Variants in DLG2 observed in about 807,000 individuals in gnomAD.
The protein encoded by DLG2 is discs large MAGUK scaffold protein 2, also known as disks large homolog 2.
Under a neutral mutation model 132.5 loss-of-function variants are expected in DLG2, and 45 were observed. The ratio of observed to expected loss-of-function variants is 0.34; its 90% CI spans 0.27 to 0.44. The LOEUF is 0.44. Ranked by LOEUF, DLG2 falls within the 20% of genes least tolerant of loss-of-function variation. The pLI, the probability that DLG2 is intolerant of heterozygous loss-of-function variation, is 1.00. For synonymous variants in DLG2, 424 were observed against 419.6 expected (o/e 1.01, Z -0.13); for missense variants, 1,045 against 1,196.9 (o/e 0.87, Z 1.87).
intron 11 of DLG2, among the ~76,000 whole-genome samples, chr11:84,055,617 T>C (rs948794514): frequency 1.3e-5 from 2 of 152,110 alleles, no homozygotes; most frequent in African/African-American, 2.4e-5. Context: ...TACTTCTATC[T>C]GGGATGCTCT....
Position 84,520,954 on chromosome 11 carries a change from C to T in DLG2, c.519+13616G>A, listed in dbSNP as rs2099296790. Among the ~76,000 whole-genome samples the T allele has an allele frequency of 3.3e-5, 5 of 152,152 alleles. No individual in the cohort carries two copies. In the South Asian group the frequency reaches 8.3e-4, roughly 25 times the overall value. On this transcript the variant is annotated intron_variant, in intron 7 of 27. Transcript: ENST00000376104. ...GCCTAGCTCTTATCCCACACACTGC[C>T]CTGCAGCTCTGGGAAAGCATCCCAT...
intron 21 of DLG2, among the ~76,000 whole-genome samples, chr11:83,529,573 CT>C (rs1007132225): frequency 5.9e-5 from 8 of 136,624 alleles, no homozygotes; most frequent in African/African-American, 2.1e-4. Flanking sequence ...AATCATGGCA[CT>C]CTTTTTTTTT....
chr11:84,922,999 A>C, intron 6 of DLG2: 1 of 1,569,744 alleles, frequency 6.4e-7, no homozygotes, highest in Non-Finnish European at 8.8e-7. Flanking sequence ...AAAAGTCCTG[A>C]AGCTACACAA....
chr11:85,310,883 C>T (rs908736426), intron 3 of DLG2, among the ~76,000 whole-genome samples: 3 of 152,168 alleles, frequency 2.0e-5, no homozygotes, highest in Admixed American at 2.0e-4. Flanking sequence ...TATATGTATG[C>T]TCTGTAAATA....
intron 4 of DLG2, among the ~76,000 whole-genome samples, chr11:85,239,276 T>C (rs527856400): frequency 1.3e-5 from 2 of 152,146 alleles, no homozygotes; most frequent in Non-Finnish European, 2.9e-5. Flanking sequence ...TATGTTTTAA[T>C]GCTGCATCTT....
intron 18 of DLG2, among the ~76,000 whole-genome samples, chr11:83,699,083 T>G (rs2082413018): frequency 6.6e-6 from 1 of 152,198 alleles, no homozygotes; most frequent in African/African-American, 2.4e-5. Context: ...TTCCAAAGCT[T>G]ATTACAAATA....
intron 3 of DLG2, among the ~76,000 whole-genome samples, chr11:85,288,212 G>A (rs971126317): frequency 3.8e-4 from 58 of 151,968 alleles, no homozygotes; most frequent in African/African-American, 1.4e-3. Context: ...AAAATTTTGT[G>A]TTTCATAAAT....
At chr11:83,835,167 T>A (rs886387339) in intron 16 of DLG2, among the ~76,000 whole-genome samples, 5 of 152,302 alleles carry the variant, frequency 3.3e-5, no homozygotes, top group African/African-American at 1.2e-4. Flanking sequence ...ATTCTACAAA[T>A]ACTTTGTAAA....
intron 6 of DLG2, among the ~76,000 whole-genome samples, chr11:84,881,875 G>T (rs1470231577): frequency 6.6e-6 from 1 of 152,074 alleles, no homozygotes; most frequent in Non-Finnish European, 1.5e-5. Context: ...TCCTGAACTA[G>T]GTTAGCCCCA....
At chr11:84,359,168 AT>A (rs1156969035) in intron 7 of DLG2, among the ~76,000 whole-genome samples, 6 of 151,922 alleles carry the variant, frequency 3.9e-5, no homozygotes, top group Non-Finnish European at 8.8e-5. Flanking sequence ...CTTTAAACAT[AT>A]TCTTTTTCTG....
At chr11:85,570,446 A>T (rs2153225414) in intron 3 of DLG2, among the ~76,000 whole-genome samples, 1 of 152,242 alleles carries the variant, frequency 6.6e-6, no homozygotes, top group Non-Finnish European at 1.5e-5. Context: ...TCTAATGAGA[A>T]ATCAATGGTT....
At chr11:84,602,066 C>T (rs987937956) in intron 6 of DLG2, among the ~76,000 whole-genome samples, 6 of 152,012 alleles carry the variant, frequency 3.9e-5, no homozygotes, top group African/African-American at 1.2e-4. Context: ...TTCAGACATT[C>T]ATTCAATGAA....
Position 84,703,857 on chromosome 11 carries a change from G to GATAGATATATATATATAT in DLG2, c.358-169127_358-169126insATATATATATATATCTAT, listed in dbSNP as rs2059456123. On this transcript the variant is annotated intron_variant, in intron 6 of 27. Transcript: ENST00000376104. ...AATAATGCTAAAACTATGTAGTGAA[G>GATAGATATATATATATAT]ATATATATATATATATATATATATA... 2.9e-5 allele frequency among the ~76,000 whole-genome samples: 3 copies of GATAGATATATATATATAT among 102,710 alleles called. No homozygotes were observed. The East Asian group carries it at 1.0e-3, about 34-fold the overall frequency. 67.4% of individuals were successfully genotyped at this position (102,710 alleles called of 152,430 possible). A position where few individuals can be genotyped will look rare whatever the true frequency, so the allele number is the denominator to read the frequency against.
intron 6 of DLG2, among the ~76,000 whole-genome samples, chr11:84,676,575 A>C (rs1202253481): frequency 6.6e-6 from 1 of 152,080 alleles, no homozygotes; most frequent in Non-Finnish European, 1.5e-5. Flanking sequence ...TGGTTTATAC[A>C]TATAGAGCAG....
chr11:83,510,365 G>T (rs1047261895), intron 21 of DLG2, among the ~76,000 whole-genome samples: 3 of 152,128 alleles, frequency 2.0e-5, no homozygotes, highest in African/African-American at 4.8e-5. Context: ...GTCACTTGCA[G>T]CATTCATGTC....
rs954767205 is a variant in DLG2 at position 85,627,242 on chromosome 11, T to C, written c.-284A>G. 1 of 152,206 alleles carries C rather than the reference T, an allele frequency of 6.6e-6. No homozygotes were observed. The highest frequency in any genetic ancestry group is 1.5e-5 in the Non-Finnish European group (1 of 68,064). 9.4% of individuals were successfully genotyped at this position (152,206 alleles called of 1,614,324 possible). A position where few individuals can be genotyped will look rare whatever the true frequency, so the allele number is the denominator to read the frequency against. ...CCCCCTCAGTAACTCAGAATCCAGC[T>C]TGCTGTCCCTTTCATTTTTTTCTTC... On this transcript the variant is annotated 5_prime_UTR_variant, in exon 1 of 28. Coordinates refer to ENST00000376104, the MANE Select transcript of DLG2 (RefSeq NM_001142699.3).
rs1567448649 is a variant in DLG2, at chr11:84,373,258, A to AC, written c.520-121968_520-121967insG. Among the ~76,000 whole-genome samples the AC allele has an allele frequency of 1.2e-3, 123 of 99,156 alleles. 6 individuals are homozygous for AC. The highest frequency in any genetic ancestry group is 3.9e-3 in the African/African-American group (119 of 30,290). The allele number at this position is 99,156 out of a possible 152,430, so 65.1% of individuals were successfully genotyped here. ...CCAATTAAGAAACAGTCAAAAAAAA[A>AC]AAAAAACAAAACAAAAAAAAAACCC... On this transcript the variant is annotated intron_variant, in intron 7 of 27. Coordinates refer to ENST00000376104, the MANE Select transcript of DLG2 (RefSeq NM_001142699.3).
chr11:83,507,209 G>C (rs1165146821), intron 21 of DLG2, among the ~76,000 whole-genome samples: 2 of 151,966 alleles, frequency 1.3e-5, no homozygotes. Flanking sequence ...TCATGCCAAG[G>C]ACTATCAGTG....
intron 9 of DLG2, among the ~76,000 whole-genome samples, chr11:84,122,556 G>A (rs2093978372): frequency 6.9e-6 from 1 of 144,640 alleles, no homozygotes; most frequent in Non-Finnish European, 1.5e-5. Context: ...ACTTACTTTT[G>A]AACTTCCATG....
Sources: allele counts gnomAD v4.1 joint callset (sites outside exome capture counted in the v4.1 genomes callset), GRCh38; gene constraint gnomAD v4.1.1; transcripts MANE v1.5; gene names NCBI Gene and HGNC (gene_info 2026-07-23, HGNC 2026-07-21).